Variants in PALS1 observed in about 807,000 individuals in gnomAD.
PALS1 encodes protein associated with LIN7 1, MAGUK p55 family member, also known as protein PALS1.
PALS1 carries 31 observed loss-of-function variants against 78.9 expected under a neutral mutation model. The ratio of observed to expected loss-of-function variants is 0.39; its 90% CI spans 0.30 to 0.53. The LOEUF (loss-of-function observed/expected upper bound fraction) is 0.53, where lower values mean the gene tolerates loss of function less well. Ranked by LOEUF, PALS1 falls within the 20% of genes least tolerant of loss-of-function variation. The pLI, the probability that PALS1 is intolerant of heterozygous loss-of-function variation, is 0.67. For missense variants in PALS1, 704 were observed against 826.5 expected (o/e 0.85, Z 1.82); for synonymous variants, 276 against 270.9 (o/e 1.02, Z -0.18).
intron 1 of PALS1, among the ~76,000 whole-genome samples, chr14:67,263,302 G>T (rs1162760460): frequency 1.3e-5 from 2 of 152,082 alleles, no homozygotes; most frequent in Admixed American, 6.5e-5. Context: ...GGTAAACAGG[G>T]ATATTCAGAT....
intron 12 of PALS1, 131 bp from the exon 13 acceptor site, chr14:67,320,926 A>C: frequency 1.4e-6 from 1 of 733,430 alleles, no homozygotes; most frequent in Non-Finnish European, 2.3e-6. Flanking sequence ...ACATGTAGGC[A>C]CTTAGCATTT....
At position 67,303,535 on chromosome 14, in the gene PALS1, G is replaced by A; in HGVS notation, c.977G>A (p.Gly326Asp). 1 of 1,613,126 alleles carries A rather than the reference G, an allele frequency of 6.2e-7. No individual in the cohort carries two copies. The change falls in exon 8 of 15, where the codon GGT becomes GAT. Residue 326 changes from glycine (G) to aspartate (D), a missense_variant. Gly to Asp is a moderately conservative substitution (Grantham distance 94). Coordinates refer to ENST00000261681, the MANE Select transcript of PALS1 (RefSeq NM_022474.4). The stretch of plus-strand genomic sequence containing the variant: ...TTTCTATTACAGTCTGATATGCATG[G>A]TACTTTGACTTTTGTCCTGATTCCC... ...EVFDLLSDMH[G>D]TLTFVLIPSQ...
intron 1 of PALS1, among the ~76,000 whole-genome samples, chr14:67,247,170 T>A (rs1444770260): frequency 6.6e-6 from 1 of 152,238 alleles, no homozygotes; most frequent in Non-Finnish European, 1.5e-5. Flanking sequence ...AGTCTTCTCA[T>A]CTATGAACAT....
In PALS1 at chr14:67,321,223, C is replaced by T. The variant is rs774645138; in HGVS notation, c.1704C>T (p.Asn568=). The T allele has an allele frequency of 6.8e-6, 11 of 1,614,088 alleles. No individual in the cohort carries two copies. The highest frequency in any genetic ancestry group is 6.7e-5 in the Admixed American group (4 of 60,004). The change falls in exon 13 of 15, where the codon AAC becomes AAT. Residue 568 remains asparagine, a synonymous_variant. Coordinates refer to ENST00000261681, the MANE Select transcript of PALS1 (RefSeq NM_022474.4). ...TAGATTCTGTACGGCAAGTGATCAACTCTGGCAAAATATGTCTTTTAAGTC... is the reference window on the plus strand; with the variant it reads ...TAGATTCTGTACGGCAAGTGATCAATTCTGGCAAAATATGTCTTTTAAGTC... ...TSIDSVRQVI[N]SGKICLLSLR...
intron 8 of PALS1, among the ~76,000 whole-genome samples, chr14:67,308,140 T>A (rs978239361): frequency 2.0e-5 from 3 of 151,760 alleles, no homozygotes; most frequent in Non-Finnish European, 2.9e-5. Flanking sequence ...CTAGGCTTAA[T>A]ACCTGGGTGA....
chr14:67,323,261 G>GTGTGTGTGTGTGTGTA (rs1429954753), intron 13 of PALS1, among the ~76,000 whole-genome samples: 117 of 124,182 alleles, frequency 9.4e-4, no homozygotes, highest in African/African-American at 2.4e-3. Flanking sequence ...GTGTGTGTGT[G>GTGTGTGTGTGTGTGTA]TATATATATA....
At chr14:67,274,036 G>A (rs2084457960) in intron 2 of PALS1, among the ~76,000 whole-genome samples, 1 of 152,168 alleles carries the variant, frequency 6.6e-6, no homozygotes, top group Admixed American at 6.5e-5. Context: ...TTTGTCAGAT[G>A]GGTAGACGGT....
In PALS1 at chr14:67,256,797, GACACACACACACACAC is replaced by G. The variant is rs10654145; in HGVS notation, c.-236-12892_-236-12877del. The stretch of plus-strand genomic sequence containing the variant: ...AGGACGAAGTGTTCCAGAAACTATT[GACACACACACACACAC>G]ACACACACACATGAAACTGATAGGT... On this transcript the variant is annotated intron_variant, in intron 1 of 14. Coordinates refer to ENST00000261681, the MANE Select transcript of PALS1 (RefSeq NM_022474.4). Among the ~76,000 whole-genome samples, 11 of 147,786 alleles carry G rather than the reference GACACACACACACACAC, an allele frequency of 7.4e-5. No individual in the cohort carries two copies. In the East Asian group the frequency reaches 2.2e-3, roughly 29 times the overall value.
Position 67,321,080 on chromosome 14 carries a change from CAAG to C in PALS1, c.1565_1567del (p.Glu522del), listed in dbSNP as rs779269762. 1 of 1,614,052 alleles carries C rather than the reference CAAG, an allele frequency of 6.2e-7. No homozygotes were observed. The highest frequency in any genetic ancestry group is 2.2e-5 in the East Asian group (1 of 44,878). On this transcript the variant is annotated inframe_deletion, in exon 13 of 15. Coordinates refer to ENST00000261681, the MANE Select transcript of PALS1 (RefSeq NM_022474.4). The stretch of plus-strand genomic sequence containing the variant: ...AGATACAACCCGGAGTAGGCGAGAC[CAAG>C]AAGTAGCCGGTAGAGATTACCACTT...
chr14:67,305,208 A>G (rs2084983372), intron 8 of PALS1, among the ~76,000 whole-genome samples: 1 of 152,198 alleles, frequency 6.6e-6, no homozygotes, highest in Non-Finnish European at 1.5e-5. Context: ...ATATACTCCT[A>G]CTTACTTATC....
At chr14:67,294,654 C>G (rs2084818404) in intron 4 of PALS1, 2 of 151,702 alleles carry the variant, frequency 1.3e-5, no homozygotes, top group African/African-American at 2.4e-5. Flanking sequence ...TAAACACAAA[C>G]CAAATTTCTT....
At chr14:67,255,922 A>G (rs2084138316) in intron 1 of PALS1, among the ~76,000 whole-genome samples, 1 of 152,224 alleles carries the variant, frequency 6.6e-6, no homozygotes, top group Admixed American at 6.5e-5. Flanking sequence ...CCTGACCTCA[A>G]GTGATCCACA....
rs116895157 is a variant in PALS1, at chr14:67,315,399, G to A, written c.1226-1433G>A. On this transcript the variant is annotated intron_variant, in intron 9 of 14. Transcript: ENST00000261681. ...TCATGCCCTTCTTCTCTCTCAGTCT[G>A]CTGAGCAGCTGGGACTACAGGTGCC... is the stretch of plus-strand genomic sequence containing the variant. 3.8e-3 allele frequency among the ~76,000 whole-genome samples: 557 copies of A among 147,986 alleles called. 18 individuals carry two copies. In the East Asian group the frequency reaches 0.09, roughly 24 times the overall value.
Position 67,333,071 on chromosome 14 carries a change from G to A in PALS1, c.*115G>A. On this transcript the variant is annotated 3_prime_UTR_variant, in exon 15 of 15. Transcript: ENST00000261681. ...AAGATGGAAGGCAGCAGTATAAGCT[G>A]TAGATCTGTTCTTAGATCTCTTGAA... 1.1e-6 allele frequency: 1 copy of A among 893,322 alleles called. No individual in the cohort carries two copies. The allele number at this position is 893,322 out of a possible 1,614,324, so 55.3% of individuals were successfully genotyped here.
chr14:67,276,494 T>C (rs1404257445), intron 2 of PALS1, among the ~76,000 whole-genome samples: 1 of 152,190 alleles, frequency 6.6e-6, no homozygotes, highest in Non-Finnish European at 1.5e-5. Flanking sequence ...CCAAGTTTTA[T>C]AGTTCATTGT....
chr14:67,246,697 CTGGAG>C (rs2083993366), intron 1 of PALS1, among the ~76,000 whole-genome samples: 1 of 134,410 alleles, frequency 7.4e-6, no homozygotes. Context: ...TCTCGCCAGG[CTGGAG>C]TGCAGTGGCA....
intron 8 of PALS1, chr14:67,312,108 C>T (rs2140947268): frequency 6.5e-6 from 1 of 153,032 alleles, no homozygotes; most frequent in South Asian, 2.1e-4. Context: ...TCTATTTCTG[C>T]TTCTCTCAAG....
chr14:67,327,165 ACT>A (rs966987039), intron 14 of PALS1, among the ~76,000 whole-genome samples: 11 of 151,912 alleles, frequency 7.2e-5, no homozygotes, highest in Admixed American at 3.9e-4. Context: ...ACAGAGTAAG[ACT>A]CTCAAAAAAA....
intron 1 of PALS1, among the ~76,000 whole-genome samples, chr14:67,260,772 TATTAA>T (rs2084223039): frequency 6.6e-6 from 1 of 152,208 alleles, no homozygotes; most frequent in Non-Finnish European, 1.5e-5. Flanking sequence ...AAGAGTTGAC[TATTAA>T]ATTAATAAAC....
Sources: allele counts gnomAD v4.1 joint callset (sites outside exome capture counted in the v4.1 genomes callset), GRCh38; gene constraint gnomAD v4.1.1; transcripts MANE v1.5; gene names NCBI Gene and HGNC (gene_info 2026-07-23, HGNC 2026-07-21).